AGMO: variants seen among roughly 807,000 people sequenced by gnomAD.
The protein encoded by AGMO is alkylglycerol monooxygenase, also known as glyceryl-ether monooxygenase.
A neutral mutation model predicts 60.2 loss-of-function variants in AGMO; 75 were observed. The ratio of observed to expected loss-of-function variants is 1.25; its 90% confidence interval spans 1.03 to 1.51. The LOEUF (loss-of-function observed/expected upper bound fraction) is 1.51. Ranked by LOEUF, AGMO falls within the 40% of genes most tolerant of loss-of-function variation. The pLI is 0.00. For missense variants in AGMO, 763 were observed against 525.5 expected (o/e 1.45, Z -4.42); for synonymous variants, 261 against 177.1 (o/e 1.47, Z -3.76).
chr7:15,344,118 C>T (rs573035081), intron 12 of AGMO, among the ~76,000 whole-genome samples: 61 of 152,198 alleles, frequency 4.0e-4, no homozygotes, highest in African/African-American at 1.4e-3. Context: ...TTCTTGATTA[C>T]TCATTTAGAA....
At chr7:15,140,071 G>A in the AGMO span, among the ~76,000 whole-genome samples, 1 of 150,432 alleles carries the variant, frequency 6.6e-6, no homozygotes, top group Admixed American at 6.6e-5. Context: ...ATTAACTATA[G>A]GAAATAAAAT....
chr7:15,207,979 T>C (rs927323532), intron 12 of AGMO, among the ~76,000 whole-genome samples: 5 of 151,970 alleles, frequency 3.3e-5, no homozygotes, highest in Admixed American at 1.3e-4. Flanking sequence ...AAAGTGAAAA[T>C]AGATTTACCA....
intron 5 of AGMO, among the ~76,000 whole-genome samples, chr7:15,402,489 T>G (rs1445013691): frequency 6.6e-6 from 1 of 151,378 alleles, no homozygotes; most frequent in Non-Finnish European, 1.5e-5. Context: ...TAATAAATAT[T>G]TCTGTGCTCC....
At chr7:15,138,001 T>A in the AGMO span, among the ~76,000 whole-genome samples, 27 of 152,226 alleles carry the variant, frequency 1.8e-4, 1 homozygote, top group Admixed American at 9.8e-4. Flanking sequence ...TTAAGCCATA[T>A]CCTGGCCCTC....
At chr7:15,302,256 T>A (rs966363385) in intron 12 of AGMO, among the ~76,000 whole-genome samples, 2 of 152,106 alleles carry the variant, frequency 1.3e-5, no homozygotes, top group Non-Finnish European at 2.9e-5. Context: ...ACCTCTGAAA[T>A]AAACATTCTT....
At chr7:15,500,144 T>C (rs1783342173) in intron 3 of AGMO, among the ~76,000 whole-genome samples, 1 of 151,786 alleles carries the variant, frequency 6.6e-6, no homozygotes, top group South Asian at 2.1e-4. Flanking sequence ...TTAAAATTTG[T>C]AAAAGCAATT....
At chr7:15,118,443 T>C in the AGMO span, among the ~76,000 whole-genome samples, 1 of 152,192 alleles carries the variant, frequency 6.6e-6, no homozygotes, top group African/African-American at 2.4e-5. Context: ...CAGAGAGTTG[T>C]CACTATTGAT....
intron 3 of AGMO, among the ~76,000 whole-genome samples, chr7:15,493,439 T>A (rs1783129674): frequency 7.2e-6 from 1 of 139,822 alleles, no homozygotes; most frequent in Non-Finnish European, 1.5e-5. Context: ...AGTGGCGCGA[T>A]CTCGGCTCAC....
intron 10 of AGMO, among the ~76,000 whole-genome samples, chr7:15,379,044 A>G (rs1783570807): frequency 6.6e-6 from 1 of 152,022 alleles, no homozygotes; most frequent in Non-Finnish European, 1.5e-5. Context: ...CAAAAGTTTC[A>G]AAGAAGTTCT....
intron 1 of AGMO, 139 bp downstream of exon 1, chr7:15,561,581 G>A (rs1226877516): frequency 1.0e-5 from 9 of 861,116 alleles, no homozygotes; most frequent in Admixed American, 3.3e-5. Context: ...TTTGCTTCAC[G>A]CCTTTAAGAA....
intron 12 of AGMO, among the ~76,000 whole-genome samples, chr7:15,322,345 G>A (rs1239121750): frequency 2.1e-5 from 3 of 142,780 alleles, no homozygotes; most frequent in East Asian, 4.0e-4. Context: ...ATACCAGTTG[G>A]GAAAACAATT....
At chr7:15,369,297 G>A (rs769803664) in intron 10 of AGMO, among the ~76,000 whole-genome samples, 5 of 151,994 alleles carry the variant, frequency 3.3e-5, no homozygotes, top group Non-Finnish European at 7.4e-5. Flanking sequence ...ATCCTTTTAA[G>A]CTTATGTGAG....
chr7:15,539,791 C>T (rs993341575), intron 3 of AGMO, among the ~76,000 whole-genome samples: 1 of 152,150 alleles, frequency 6.6e-6, no homozygotes, highest in African/African-American at 2.4e-5. Flanking sequence ...GCAACCTCAC[C>T]AGCATCTGCT....
Position 15,538,767 on chromosome 7 carries a change from C to T in AGMO, c.409+6005G>A, listed in dbSNP as rs544990389. ...TGTGATTGAAATTAGGATAATCTAA[C>T]TTCAACTTCTAAAGTCAGAAAGCAA... On this transcript the variant is annotated intron_variant, in intron 3 of 12. Transcript: ENST00000342526. 3.5e-3 allele frequency among the ~76,000 whole-genome samples: 532 copies of T among 152,238 alleles called. 2 individuals carry two copies. The highest frequency in any genetic ancestry group is 4.1e-3 in the Non-Finnish European group (276 of 68,004).
At chr7:15,373,210 G>A (rs925609832) in intron 10 of AGMO, among the ~76,000 whole-genome samples, 2 of 151,876 alleles carry the variant, frequency 1.3e-5, no homozygotes, top group Non-Finnish European at 2.9e-5. Context: ...ACTGGGAGGA[G>A]GTGGTTTCAG....
intron 3 of AGMO, among the ~76,000 whole-genome samples, chr7:15,475,475 A>G (rs1782570021): frequency 6.6e-6 from 1 of 152,068 alleles, no homozygotes; most frequent in South Asian, 2.1e-4. Flanking sequence ...CTCACTCACA[A>G]GTGGGAGATG....
intron 3 of AGMO, among the ~76,000 whole-genome samples, chr7:15,483,482 C>A (rs933094569): frequency 6.6e-6 from 1 of 152,172 alleles, no homozygotes; most frequent in East Asian, 1.9e-4. Context: ...AGGAGAATGG[C>A]GTGAACCCGG....
At chr7:15,205,078 G>T (rs751912343) in intron 12 of AGMO, among the ~76,000 whole-genome samples, 5 of 152,176 alleles carry the variant, frequency 3.3e-5, no homozygotes, top group Non-Finnish European at 7.3e-5. Flanking sequence ...AGAATAGTGT[G>T]CTTGTTGCAT....
At chr7:15,167,856 G>C in the AGMO span, among the ~76,000 whole-genome samples, 4 of 152,150 alleles carry the variant, frequency 2.6e-5, no homozygotes, top group African/African-American at 9.7e-5. Context: ...GTGTCCTCAA[G>C]GAACACTTCT....
Sources: gnomAD v4.1 joint callset for allele counts (sites outside exome capture counted in the v4.1 genomes callset) on GRCh38, gnomAD v4.1.1 for gene constraint, MANE v1.5 for transcripts, NCBI Gene and HGNC (gene_info 2026-07-23, HGNC 2026-07-21) for gene names.